The following CFAP299 variants were observed in gnomAD, a reference collection of about 807,000 sequenced individuals.
CFAP299 encodes the protein cilia and flagella associated protein 299.
In CFAP299, 21 loss-of-function variants were observed where a neutral mutation model predicts 27.0. The observed-to-expected ratio is 0.78, with a 90% CI of 0.55 to 1.12. CFAP299 has a LOEUF of 1.12. CFAP299 is among the 50% of genes most tolerant of loss of function. The pLI, the probability that CFAP299 is intolerant of heterozygous loss-of-function variation, is 0.00. For missense variants in CFAP299, 310 were observed against 276.6 expected (o/e 1.12, Z -0.86); for synonymous variants, 104 against 98.1 (o/e 1.06, Z -0.36).
intron 5 of CFAP299, among the ~76,000 whole-genome samples, chr4:80,945,200 A>C (rs1172196662): frequency 6.6e-6 from 1 of 152,202 alleles, no homozygotes; most frequent in Non-Finnish European, 1.5e-5. Context: ...CTAGCACAGA[A>C]TTGCACCAGG....
At chr4:80,947,068 T>C (rs1737513624) in intron 5 of CFAP299, among the ~76,000 whole-genome samples, 1 of 152,196 alleles carries the variant, frequency 6.6e-6, no homozygotes, top group East Asian at 1.9e-4. Flanking sequence ...CATTATTGAA[T>C]GTGAACTGTT....
Position 80,545,675 on chromosome 4 carries a change from A to T in CFAP299, c.243-37418A>T, listed in dbSNP as rs555995360. Among the ~76,000 whole-genome samples the T allele has an allele frequency of 2.5e-3, 375 of 152,286 alleles. 1 individual carries two copies. Among genetic ancestry groups the T allele is most frequent in the African/African-American group, 8.6e-3 (356 of 41,558 alleles). On this transcript the variant is annotated intron_variant, in intron 2 of 5. Coordinates refer to ENST00000358105, the MANE Select transcript of CFAP299 (RefSeq NM_152770.3). ...AAATTCTACCAGATTTACAAACAAG[A>T]GATAGTACCATTTCTACTAAAACCA...
chr4:80,554,355 T>C (rs1255790691), intron 2 of CFAP299, among the ~76,000 whole-genome samples: 1 of 152,072 alleles, frequency 6.6e-6, no homozygotes, highest in Admixed American at 6.6e-5. Flanking sequence ...TATGTGCCTG[T>C]TTTTTCTACC....
chr4:80,416,320 T>C (rs1727003864), intron 2 of CFAP299, among the ~76,000 whole-genome samples: 1 of 152,240 alleles, frequency 6.6e-6, no homozygotes, highest in Non-Finnish European at 1.5e-5. Context: ...ATAATTTACC[T>C]TAAACATATT....
chr4:80,861,395 C>A (rs1384486785), intron 3 of CFAP299, among the ~76,000 whole-genome samples: 1 of 152,268 alleles, frequency 6.6e-6, no homozygotes, highest in East Asian at 1.9e-4. Flanking sequence ...TGCTTTGGCT[C>A]GTGCACGGTG....
intron 3 of CFAP299, among the ~76,000 whole-genome samples, chr4:80,611,482 C>T (rs991447173): frequency 2.0e-5 from 3 of 151,984 alleles, no homozygotes; most frequent in African/African-American, 7.2e-5. Context: ...CACACTTGTT[C>T]TGTTTATTTT....
At chr4:80,834,887 T>A (rs540557197) in intron 3 of CFAP299, among the ~76,000 whole-genome samples, 10 of 152,224 alleles carry the variant, frequency 6.6e-5, no homozygotes, top group African/African-American at 2.4e-4. Context: ...ACTCCAAATA[T>A]CTCTGTTGTT....
chr4:80,799,330 A>G (rs1318887646), intron 3 of CFAP299, among the ~76,000 whole-genome samples: 1 of 97,340 alleles, frequency 1.0e-5, no homozygotes, highest in African/African-American at 4.4e-5. Flanking sequence ...ATATATTTAT[A>G]TAATATTTAT....
At chr4:80,696,089 C>A (rs1320377891) in intron 3 of CFAP299, among the ~76,000 whole-genome samples, 1 of 151,996 alleles carries the variant, frequency 6.6e-6, no homozygotes, top group Admixed American at 6.6e-5. Context: ...ATCATGAGGT[C>A]AGACATTTGA....
At chr4:80,359,590 T>G (rs1159458841) in intron 1 of CFAP299, among the ~76,000 whole-genome samples, 1 of 152,206 alleles carries the variant, frequency 6.6e-6, no homozygotes, top group Non-Finnish European at 1.5e-5. Flanking sequence ...TCTGAGATTC[T>G]TCCCTGCACT....
At chr4:80,579,581 C>G (rs1485534237) in intron 2 of CFAP299, among the ~76,000 whole-genome samples, 1 of 152,062 alleles carries the variant, frequency 6.6e-6, no homozygotes, top group Non-Finnish European at 1.5e-5. Context: ...TATTAAGAGT[C>G]CCATCCTTAC....
chr4:80,343,504 A>G (rs554961839), intron 1 of CFAP299, among the ~76,000 whole-genome samples: 58 of 152,214 alleles, frequency 3.8e-4, no homozygotes, highest in African/African-American at 1.4e-3. Context: ...TTAGAACTCA[A>G]GACGGCTGGG....
At chr4:80,688,758 A>G (rs572233307) in intron 3 of CFAP299, among the ~76,000 whole-genome samples, 1 of 152,262 alleles carries the variant, frequency 6.6e-6, no homozygotes, top group South Asian at 2.1e-4. Flanking sequence ...CTACGGGAGG[A>G]CATTCAAACC....
At chr4:80,658,632 A>G (rs1256832122) in intron 3 of CFAP299, among the ~76,000 whole-genome samples, 1 of 152,122 alleles carries the variant, frequency 6.6e-6, no homozygotes, top group Non-Finnish European at 1.5e-5. Context: ...AGAATGCTGA[A>G]GAACTTGTCC....
At chr4:80,918,334 TC>T (rs1424111813) in intron 4 of CFAP299, among the ~76,000 whole-genome samples, 1 of 152,180 alleles carries the variant, frequency 6.6e-6, no homozygotes, top group East Asian at 1.9e-4. Context: ...TGAATTTTCC[TC>T]CACTGTAAAT....
intron 3 of CFAP299, among the ~76,000 whole-genome samples, chr4:80,629,691 C>A (rs533643954): frequency 3.3e-5 from 5 of 151,830 alleles, no homozygotes; most frequent in African/African-American, 1.2e-4. Context: ...ACCAGCTTGG[C>A]GAACATAGTG....
intron 3 of CFAP299, among the ~76,000 whole-genome samples, chr4:80,676,880 T>C (rs1719495521): frequency 6.6e-6 from 1 of 151,896 alleles, no homozygotes; most frequent in African/African-American, 2.4e-5. Context: ...ATTTTATTTA[T>C]CTTTTCAAAA....
intron 3 of CFAP299, among the ~76,000 whole-genome samples, chr4:80,831,240 A>T (rs1730284836): frequency 6.6e-6 from 1 of 152,142 alleles, no homozygotes; most frequent in African/African-American, 2.4e-5. Context: ...CAGTTTTATG[A>T]CCTAAATATT....
intron 2 of CFAP299, among the ~76,000 whole-genome samples, chr4:80,497,516 T>C (rs543569774): frequency 2.0e-5 from 3 of 152,092 alleles, no homozygotes; most frequent in Admixed American, 6.6e-5. Flanking sequence ...TGCATATATA[T>C]ACACACACAC....
Sources: gnomAD v4.1 joint callset for allele counts (sites outside exome capture counted in the v4.1 genomes callset) on GRCh38, gnomAD v4.1.1 for gene constraint, MANE v1.5 for transcripts, NCBI Gene and HGNC (gene_info 2026-07-23, HGNC 2026-07-21) for gene names.